The following SLC36A4 variants were observed in gnomAD, a reference collection of about 807,000 sequenced individuals.
SLC36A4 encodes the protein neutral amino acid uniporter 4.
Under a neutral mutation model 50.5 loss-of-function variants are expected in SLC36A4, and 49 were observed. That is an observed-to-expected ratio of 0.97 (90% CI 0.77 to 1.23). The LOEUF is 1.23. Among genes scored for constraint, SLC36A4 ranks in the 50% most tolerant of loss-of-function variants. SLC36A4 has a pLI of 0.00. For missense variants in SLC36A4, 611 were observed against 608.4 expected, an observed-to-expected ratio of 1.00 and a Z score of -0.05; for synonymous variants, 207 against 206.5, an observed-to-expected ratio of 1.00 and a Z score of -0.02.
intron 9 of SLC36A4, among the ~76,000 whole-genome samples, chr11:93,156,528 T>G (rs961009692): frequency 1.1e-4 from 17 of 151,864 alleles, no homozygotes; most frequent in Admixed American, 2.6e-4. Flanking sequence ...CAAGCGATTC[T>G]CCTGCCTCAA....
intron 9 of SLC36A4, among the ~76,000 whole-genome samples, chr11:93,158,912 T>C (rs1244684278): frequency 2.0e-5 from 3 of 152,100 alleles, no homozygotes; most frequent in Non-Finnish European, 2.9e-5. Flanking sequence ...CAAACAACTT[T>C]AAACAACATT....
At position 93,182,819 on chromosome 11, in the gene SLC36A4, A is replaced by T; in HGVS notation, c.346T>A (p.Phe116Ile). 1 of 1,609,508 alleles carries T rather than the reference A, an allele frequency of 6.2e-7. No homozygotes were observed. The highest frequency in any genetic ancestry group is 8.5e-7 in the Non-Finnish European group (1 of 1,177,548). ...CMHILVRCSH[F>I]LCLRFKKSTL... ...ATCCACATTTACCTCAGACATAGAA[A>T]GTGACTGCAACGTACCAATATGTGC... Residue 116 changes from phenylalanine (F) to isoleucine (I), a missense_variant, in exon 4 of 11, where the codon TTT (phenylalanine) becomes ATT (isoleucine). Physicochemically the swap from Phe to Ile is conservative, Grantham distance 21. Coordinates refer to ENST00000326402, the MANE Select transcript of SLC36A4 (RefSeq NM_152313.4).
At chr11:93,194,226 A>C (rs1230271808) in intron 1 of SLC36A4, among the ~76,000 whole-genome samples, 2 of 152,026 alleles carry the variant, frequency 1.3e-5, no homozygotes, top group African/African-American at 4.8e-5. Context: ...AAAATATAAA[A>C]ATAAAAAAAA....
At chr11:93,190,282 GA>G (rs1225084375) in intron 1 of SLC36A4, among the ~76,000 whole-genome samples, 1 of 152,010 alleles carries the variant, frequency 6.6e-6, no homozygotes, top group African/African-American at 2.4e-5. Flanking sequence ...TAGGTAGGAG[GA>G]ATAAGATCTA....
In SLC36A4 at chr11:93,181,683, G is replaced by A; in HGVS notation, c.455+8C>T. The A allele has an allele frequency of 4.6e-6, 7 of 1,510,752 alleles. No individual in the cohort carries two copies. Among genetic ancestry groups the A allele is most frequent in the Non-Finnish European group, 6.2e-6 (7 of 1,125,428 alleles). 93.6% of individuals were successfully genotyped at this position (1,510,752 alleles called of 1,614,324 possible). On this transcript the variant is annotated splice_region_variant and intron_variant, in intron 5 of 10. Transcript: ENST00000326402. ...CAATCATATATTAATAACAGAGTAA[G>A]TACTTACCGCCCCCATGCTGCTTGC...
intron 5 of SLC36A4, 65 bp from the exon 6 acceptor site, chr11:93,180,946 C>A: frequency 8.8e-7 from 1 of 1,131,074 alleles, no homozygotes; most frequent in Non-Finnish European, 1.3e-6. Context: ...TATTTTATTT[C>A]TCTTTTCAAG....
rs112381957 is a variant in SLC36A4 at position 93,196,719 on chromosome 11, G to C, written c.55+1059C>G. ...ATATTATCCCTTTCCTGCCAGCAAT[G>C]CATGAGAATACCCATTTCTCCATAT... is the stretch of plus-strand genomic sequence containing the variant. On this transcript the variant is annotated intron_variant, in intron 1 of 10. Coordinates refer to ENST00000326402, the MANE Select transcript of SLC36A4 (RefSeq NM_152313.4). 2.6e-3 allele frequency among the ~76,000 whole-genome samples: 392 copies of C among 152,274 alleles called. 3 individuals carry two copies. The highest frequency in any genetic ancestry group is 9.0e-3 in the African/African-American group (375 of 41,556).
chr11:93,194,880 T>C (rs1191570513), intron 1 of SLC36A4, among the ~76,000 whole-genome samples: 2 of 152,208 alleles, frequency 1.3e-5, no homozygotes, highest in South Asian at 2.1e-4. Flanking sequence ...TGATATCTAA[T>C]GGACATCTCA....
chr11:93,156,549 A>C (rs1360936585), intron 9 of SLC36A4, among the ~76,000 whole-genome samples: 3 of 151,756 alleles, frequency 2.0e-5, no homozygotes, highest in Non-Finnish European at 4.4e-5. Flanking sequence ...CCTCCCAAGT[A>C]GCTGGGACTA....
intron 7 of SLC36A4, chr11:93,166,236 T>C: frequency 7.9e-7 from 1 of 1,263,396 alleles, no homozygotes; most frequent in East Asian, 3.3e-5. Flanking sequence ...TGCCCATACA[T>C]TCCATCTGAG....
At chr11:93,170,462 A>G (rs1317324985) in intron 6 of SLC36A4, among the ~76,000 whole-genome samples, 5 of 152,048 alleles carry the variant, frequency 3.3e-5, no homozygotes, top group South Asian at 2.1e-4. Flanking sequence ...GAGCCTCACA[A>G]TAAGTTTATG....
rs776425338 is a variant in SLC36A4, at chr11:93,162,804, A to T, written c.939T>A (p.Ile313=). ...CTAATGTTACATACAAAGTTGTAAC[A>T]ATCCCCATGCCAATATTCAACGCTT... The part of the protein sequence containing the change: ...FPQALNIGMG[I]VTTLYVTLAT... Residue 313 remains isoleucine, a synonymous_variant, in exon 9 of 11, where the codon ATT becomes ATA. Coordinates refer to ENST00000326402, the MANE Select transcript of SLC36A4 (RefSeq NM_152313.4). 5.0e-6 allele frequency: 8 copies of T among 1,613,760 alleles called. No homozygotes were observed. In the Admixed American group the frequency reaches 1.0e-4, roughly 20 times the overall value.
intron 10 of SLC36A4, among the ~76,000 whole-genome samples, chr11:93,151,239 T>G (rs527355737): frequency 2.0e-4 from 30 of 152,134 alleles, no homozygotes; most frequent in Admixed American, 5.9e-4. Flanking sequence ...AGGATAGTTT[T>G]ATTCATTACA....
At chr11:93,166,547 G>A in intron 7 of SLC36A4, 1 of 255,480 alleles carries the variant, frequency 3.9e-6, no homozygotes, top group Non-Finnish European at 6.2e-6. Flanking sequence ...TTTGATGGTT[G>A]TCATTACCCT....
chr11:93,156,368 C>A (rs538839327), intron 9 of SLC36A4, among the ~76,000 whole-genome samples: 1 of 151,666 alleles, frequency 6.6e-6, no homozygotes, highest in Admixed American at 6.6e-5. Context: ...TGACTGTTGG[C>A]GGCATGTATG....
rs138030646 is a variant in SLC36A4 at position 93,144,871 on chromosome 11, G to A, written c.*3666C>T. ...ACTCATTTTTTAAAAAGTCATTATTGTATATTATCGATGTTCTGTATGTTA... is the reference window on the plus strand; with the variant it reads ...ACTCATTTTTTAAAAAGTCATTATTATATATTATCGATGTTCTGTATGTTA... On this transcript the variant is annotated 3_prime_UTR_variant, in exon 11 of 11. Transcript: ENST00000326402. 6.6e-6 allele frequency: 1 copy of A among 151,938 alleles called. No individual in the cohort carries two copies. Among genetic ancestry groups the A allele is most frequent in the African/African-American group, 2.4e-5 (1 of 41,404 alleles). 9.4% of individuals were successfully genotyped at this position (151,938 alleles called of 1,614,324 possible).
intron 1 of SLC36A4, among the ~76,000 whole-genome samples, chr11:93,191,422 G>T (rs1425520772): frequency 6.6e-6 from 1 of 152,228 alleles, no homozygotes; most frequent in Admixed American, 6.5e-5. Context: ...AGAAGATTAA[G>T]CTGGAAAGCT....
At chr11:93,176,904 T>A (rs1370698416) in intron 6 of SLC36A4, among the ~76,000 whole-genome samples, 7 of 152,192 alleles carry the variant, frequency 4.6e-5, no homozygotes, top group Non-Finnish European at 8.8e-5. Context: ...ATTTCAACTT[T>A]GGTGAATCTG....
chr11:93,180,377 C>T (rs1168754603), intron 6 of SLC36A4: 1 of 942,400 alleles, frequency 1.1e-6, no homozygotes, highest in African/African-American at 1.8e-5. Flanking sequence ...TCTTTTTACA[C>T]AATGGCTATA....
Sources: allele counts gnomAD v4.1 joint callset (sites outside exome capture counted in the v4.1 genomes callset), GRCh38; gene constraint gnomAD v4.1.1; transcripts MANE v1.5; gene names NCBI Gene and HGNC (gene_info 2026-07-23, HGNC 2026-07-21).